The following RABEPK variants were observed in gnomAD, a reference collection of about 807,000 sequenced individuals.
RABEPK encodes the protein Rab9 effector protein with kelch motifs.
A neutral mutation model predicts 34.1 loss-of-function variants in RABEPK; 27 were observed. The observed-to-expected ratio is 0.79, with a 90% confidence interval of 0.58 to 1.09. RABEPK has a LOEUF of 1.09. Among genes scored for constraint, RABEPK ranks in the 50% least tolerant of loss-of-function variants. The pLI, the probability that RABEPK is intolerant of heterozygous loss-of-function variation, is 0.00. For synonymous variants in RABEPK, 172 were observed against 169.2 expected (o/e 1.02, Z -0.13); for missense variants, 449 against 462.6 (o/e 0.97, Z 0.27).
At chr9:125,208,558 C>G (rs186856014) in intron 3 of RABEPK, among the ~76,000 whole-genome samples, 1 of 147,902 alleles carries the variant, frequency 6.8e-6, no homozygotes, top group Non-Finnish European at 1.5e-5. Context: ...TTTTTTTAGA[C>G]GGAGTCCCAC....
chr9:125,200,835 G>T lies in RABEPK; in HGVS notation c.-78G>T, dbSNP rs1829862322. 1 of 471,142 alleles carries T rather than the reference G, an allele frequency of 2.1e-6. No individual in the cohort carries two copies. 29.2% of individuals were successfully genotyped at this position (471,142 alleles called of 1,614,324 possible). A position where few individuals can be genotyped will look rare whatever the true frequency, so the allele number is the denominator to read the frequency against. On this transcript the variant is annotated 5_prime_UTR_variant, in exon 1 of 8. Transcript: ENST00000373538. ...CTGGTAGCGGCGGCTGCTGCGGGAG[G>T]TCCCGCCCACGTGAAGCCAGCCTAA... is the stretch of plus-strand genomic sequence containing the variant.
chr9:125,220,524 T>C lies in RABEPK; in HGVS notation c.365-15T>C. ...TACCTGGATATTTTAAGTGCCTGCATTCTCTCTGGCCCAGAAACCAGGACG... is the reference window on the plus strand; with the variant it reads ...TACCTGGATATTTTAAGTGCCTGCACTCTCTCTGGCCCAGAAACCAGGACG... On this transcript the variant is annotated splice_polypyrimidine_tract_variant and intron_variant, in intron 4 of 7. Coordinates refer to ENST00000373538, the MANE Select transcript of RABEPK (RefSeq NM_005833.4). 6.2e-7 allele frequency: 1 copy of C among 1,608,308 alleles called. No homozygotes were observed. The highest frequency in any genetic ancestry group is 8.5e-7 in the Non-Finnish European group (1 of 1,176,638).
rs112568649 is a variant in RABEPK, at chr9:125,200,614, T to G, written c.-299T>G. Reference sequence around the variant, plus strand: ...CGGGGCTGGAGGGTAGGGGCGAGGGTCCCCGGATACCGGGTCTATCACGGT... The same window carrying G: ...CGGGGCTGGAGGGTAGGGGCGAGGGGCCCCGGATACCGGGTCTATCACGGT... On this transcript the variant is annotated 5_prime_UTR_variant, in exon 1 of 8. Coordinates refer to ENST00000373538, the MANE Select transcript of RABEPK (RefSeq NM_005833.4). The G allele has an allele frequency of 2.2e-6, 1 of 457,414 alleles. No individual in the cohort carries two copies. 28.3% of individuals were successfully genotyped at this position (457,414 alleles called of 1,614,324 possible).
At chr9:125,206,654 A>G (rs1195878170) in intron 2 of RABEPK, among the ~76,000 whole-genome samples, 1 of 152,194 alleles carries the variant, frequency 6.6e-6, no homozygotes, top group Non-Finnish European at 1.5e-5. Flanking sequence ...ATGGAGAGGA[A>G]TCACTGGCTA....
chr9:125,220,436 C>G (rs778678307), intron 4 of RABEPK, 103 bp from the exon 5 acceptor site: 11 of 1,510,926 alleles, frequency 7.3e-6, no homozygotes, highest in Non-Finnish European at 8.8e-6. Context: ...TGCTGGCCCC[C>G]CTGGGGATTG....
intron 3 of RABEPK, among the ~76,000 whole-genome samples, chr9:125,208,810 C>A (rs7037358): frequency 0.012 from 1,827 of 151,928 alleles, 35 homozygotes; most frequent in African/African-American, 0.042. Flanking sequence ...GCTGGGATTA[C>A]AGGTATGAGC....
At position 125,220,007 on chromosome 9, in the gene RABEPK, CT is replaced by C. The variant is rs1001172951; in HGVS notation, c.365-523del. Among the ~76,000 whole-genome samples the C allele has an allele frequency of 3.3e-4, 49 of 150,218 alleles. No homozygotes were observed. The East Asian group carries it at 9.3e-3, about 28-fold the overall frequency. On this transcript the variant is annotated intron_variant, in intron 4 of 7. Transcript: ENST00000373538. Reference sequence around the variant, plus strand: ...AACAAATTGACCTCTTTTTTTTCTTCTTTTTTTTTAATATGGAGCCTTGCTC... The same window carrying C: ...AACAAATTGACCTCTTTTTTTTCTTCTTTTTTTTAATATGGAGCCTTGCTC...
chr9:125,223,467 T>C (rs1157106798), intron 5 of RABEPK, among the ~76,000 whole-genome samples: 1 of 151,808 alleles, frequency 6.6e-6, no homozygotes, highest in Non-Finnish European at 1.5e-5. Context: ...AAAAAATAAA[T>C]AAATTTTTTA....
At chr9:125,212,616 T>G (rs952552193) in intron 3 of RABEPK, among the ~76,000 whole-genome samples, 13 of 152,104 alleles carry the variant, frequency 8.5e-5, no homozygotes, top group Non-Finnish European at 1.5e-4. Flanking sequence ...AAGGGGGAAT[T>G]TATTTAGTCA....
rs760384241 is a variant in RABEPK, at chr9:125,207,630, C to A, written c.120C>A (p.Pro40=). 8.7e-6 allele frequency: 14 copies of A among 1,613,980 alleles called. No homozygotes were observed. The East Asian group carries it at 1.1e-4, about 13-fold the overall frequency. Residue 40 remains proline (P), a synonymous_variant, in exon 3 of 8, where the codon CCC becomes CCA. Transcript: ENST00000373538. Reference sequence around the variant, plus strand: ...TTGGCCACAGCTGTTCATATTTACCCCCAGTTGGTAATGCCAAGAGAGGGA... The same window carrying A: ...TTGGCCACAGCTGTTCATATTTACCACCAGTTGGTAATGCCAAGAGAGGGA... ...ARVGHSCSYL[P]PVGNAKRGKV... is the part of the protein sequence containing the mutation.
chr9:125,227,326 G>A (rs1831831147), intron 5 of RABEPK, among the ~76,000 whole-genome samples: 1 of 152,096 alleles, frequency 6.6e-6, no homozygotes, highest in Non-Finnish European at 1.5e-5. Flanking sequence ...ATTTCATAGC[G>A]AGAAATGGCT....
At chr9:125,220,188 T>TG (rs1831223657) in intron 4 of RABEPK, 2 of 636,540 alleles carry the variant, frequency 3.1e-6, no homozygotes, top group South Asian at 7.3e-5. Flanking sequence ...TTAGTAGAGA[T>TG]GGGGTTTTAC....
intron 5 of RABEPK, among the ~76,000 whole-genome samples, chr9:125,227,394 A>G (rs577010703): frequency 6.6e-6 from 1 of 151,664 alleles, no homozygotes; most frequent in East Asian, 1.9e-4. Context: ...CAGCCCTAGA[A>G]GCATGCACGC....
At chr9:125,203,808 G>A (rs1435468389) in intron 2 of RABEPK, among the ~76,000 whole-genome samples, 1 of 151,832 alleles carries the variant, frequency 6.6e-6, no homozygotes, top group Non-Finnish European at 1.5e-5. Context: ...CAAGGCGGGT[G>A]GATCTCCTGA....
intron 4 of RABEPK, among the ~76,000 whole-genome samples, chr9:125,214,781 C>A (rs867076919): frequency 1.4e-4 from 20 of 138,684 alleles, no homozygotes; most frequent in Admixed American, 4.0e-4. Context: ...AGGCTATTAC[C>A]AATTTTCTGT....
At chr9:125,209,716 C>A (rs866990149) in intron 3 of RABEPK, among the ~76,000 whole-genome samples, 1 of 152,132 alleles carries the variant, frequency 6.6e-6, no homozygotes, top group Non-Finnish European at 1.5e-5. Context: ...GTTCCTTGAA[C>A]ACAGCTTGAG....
chr9:125,206,643 G>A (rs1319145810), intron 2 of RABEPK, among the ~76,000 whole-genome samples: 1 of 152,172 alleles, frequency 6.6e-6, no homozygotes, highest in Non-Finnish European at 1.5e-5. Flanking sequence ...TAATTTTTTT[G>A]ATGGAGAGGA....
At chr9:125,209,791 A>G (rs1239414501) in intron 3 of RABEPK, among the ~76,000 whole-genome samples, 1 of 152,018 alleles carries the variant, frequency 6.6e-6, no homozygotes, top group African/African-American at 2.4e-5. Context: ...CCCTTTTCTT[A>G]TCATCTGGCT....
chr9:125,203,614 C>T (rs1471174951), intron 2 of RABEPK, among the ~76,000 whole-genome samples: 2 of 152,164 alleles, frequency 1.3e-5, no homozygotes, highest in African/African-American at 4.8e-5. Flanking sequence ...TTCAACAGGA[C>T]CTTGAAGGAG....
Sources: gnomAD v4.1 joint callset for allele counts (sites outside exome capture counted in the v4.1 genomes callset) on GRCh38, gnomAD v4.1.1 for gene constraint, MANE v1.5 for transcripts, NCBI Gene and HGNC (gene_info 2026-07-23, HGNC 2026-07-21) for gene names.